ASIC2: variants seen among roughly 807,000 people sequenced by gnomAD.
The protein encoded by ASIC2 is acid-sensing ion channel 2.
In ASIC2, 25 loss-of-function variants were observed where a neutral mutation model predicts 57.3. The ratio of observed to expected loss-of-function variants is 0.44; its 90% CI spans 0.32 to 0.61. The LOEUF is 0.61. Ranked by LOEUF, ASIC2 falls within the 20% of genes least tolerant of loss-of-function variation. ASIC2 has a pLI of 0.06. For synonymous variants in ASIC2, 319 were observed against 307.5 expected (o/e 1.04, Z -0.39); for missense variants, 641 against 738.1 (o/e 0.87, Z 1.52).
chr17:33,977,365 C>T (rs1351904844), intron 1 of ASIC2, among the ~76,000 whole-genome samples: 3 of 152,296 alleles, frequency 2.0e-5, no homozygotes, highest in East Asian at 1.9e-4. Flanking sequence ...CTGCCTGCAT[C>T]GTGGCAGTGG....
At chr17:33,102,124 C>T (rs1269546119) in intron 2 of ASIC2, among the ~76,000 whole-genome samples, 1 of 152,168 alleles carries the variant, frequency 6.6e-6, no homozygotes, top group East Asian at 1.9e-4. Context: ...AGATCCTTGT[C>T]TCTGGAATCT....
At chr17:33,128,979 A>G (rs928444249) in intron 1 of ASIC2, among the ~76,000 whole-genome samples, 1 of 152,222 alleles carries the variant, frequency 6.6e-6, no homozygotes, top group Non-Finnish European at 1.5e-5. Flanking sequence ...TATTTATCCA[A>G]GTACTCTAGA....
intron 3 of ASIC2, among the ~76,000 whole-genome samples, chr17:33,056,791 G>A (rs938117870): frequency 6.6e-6 from 1 of 152,142 alleles, no homozygotes; most frequent in African/African-American, 2.4e-5. Flanking sequence ...TCATCAGAAG[G>A]AGCTGAGCAC....
chr17:33,799,415 C>CT (rs1409362347), intron 1 of ASIC2, among the ~76,000 whole-genome samples: 196 of 64,652 alleles, frequency 3.0e-3, no homozygotes, highest in African/African-American at 9.0e-3. Context: ...TTCTTTCTTT[C>CT]TTTCTTTCTT....
intron 1 of ASIC2, among the ~76,000 whole-genome samples, chr17:33,162,370 G>T (rs773550844): frequency 6.6e-6 from 1 of 152,140 alleles, no homozygotes; most frequent in Non-Finnish European, 1.5e-5. Flanking sequence ...CTCCTCGCAC[G>T]GAACATCTGC....
intron 1 of ASIC2, among the ~76,000 whole-genome samples, chr17:33,143,239 A>G (rs1463568927): frequency 6.6e-6 from 1 of 152,186 alleles, no homozygotes; most frequent in East Asian, 1.9e-4. Flanking sequence ...TAGATATCTC[A>G]GGTGGACCAC....
intron 3 of ASIC2, among the ~76,000 whole-genome samples, chr17:33,033,526 C>T (rs2091894879): frequency 6.6e-6 from 1 of 152,214 alleles, no homozygotes; most frequent in Admixed American, 6.5e-5. Flanking sequence ...TCTCTGCAGC[C>T]TGCACCCTCA....
intron 1 of ASIC2, among the ~76,000 whole-genome samples, chr17:33,164,493 C>A (rs757463589): frequency 6.6e-6 from 1 of 151,992 alleles, no homozygotes; most frequent in Admixed American, 6.6e-5. Flanking sequence ...TGGCTCAAAC[C>A]TCAGGCAGGA....
At chr17:33,850,050 G>A (rs1191828585) in intron 1 of ASIC2, among the ~76,000 whole-genome samples, 4 of 152,214 alleles carry the variant, frequency 2.6e-5, no homozygotes, top group African/African-American at 4.8e-5. Context: ...AACACATCCC[G>A]AAAGACATGG....
At chr17:33,112,154 C>T in intron 1 of ASIC2, 87 bp from the exon 2 acceptor site, 2 of 1,444,110 alleles carry the variant, frequency 1.4e-6, no homozygotes, top group Non-Finnish European at 1.9e-6. Context: ...AGAAATCTGA[C>T]AGCAGGTCAG....
At chr17:34,081,710 C>T (rs1392346045) in intron 1 of ASIC2, among the ~76,000 whole-genome samples, 1 of 152,178 alleles carries the variant, frequency 6.6e-6, no homozygotes, top group African/African-American at 2.4e-5. Flanking sequence ...CTAAATTTTA[C>T]CCTCTCTTCT....
chr17:33,563,099 G>A (rs1170047825), intron 1 of ASIC2, among the ~76,000 whole-genome samples: 7 of 152,126 alleles, frequency 4.6e-5, no homozygotes, highest in East Asian at 1.9e-4. Context: ...CCAGCCACCC[G>A]TCAAACTGGG....
chr17:33,149,735 C>G (rs1413470067), intron 1 of ASIC2, among the ~76,000 whole-genome samples: 1 of 152,122 alleles, frequency 6.6e-6, no homozygotes, highest in Non-Finnish European at 1.5e-5. Context: ...TATGGGACAT[C>G]ACTATTATTT....
At chr17:33,349,390 G>A (rs111794194) in intron 1 of ASIC2, among the ~76,000 whole-genome samples, 1 of 152,202 alleles carries the variant, frequency 6.6e-6, no homozygotes, top group Non-Finnish European at 1.5e-5. Context: ...GCACTGGACT[G>A]GGGTCAGTTA....
At chr17:33,626,147 C>A (rs1480568986) in intron 1 of ASIC2, among the ~76,000 whole-genome samples, 1 of 152,104 alleles carries the variant, frequency 6.6e-6, no homozygotes, top group African/African-American at 2.4e-5. Context: ...ATGGTCACTT[C>A]TAGGCCTTAA....
chr17:33,830,698 A>C (rs1254395762), intron 1 of ASIC2, among the ~76,000 whole-genome samples: 1 of 151,710 alleles, frequency 6.6e-6, no homozygotes, highest in Non-Finnish European at 1.5e-5. Context: ...ATTCATCCTA[A>C]TGCTCTCCCT....
intron 1 of ASIC2, among the ~76,000 whole-genome samples, chr17:34,030,687 A>G (rs541327674): frequency 1.3e-5 from 2 of 152,316 alleles, no homozygotes; most frequent in South Asian, 4.1e-4. Context: ...GGGCTTAAAC[A>G]ACGGCACACC....
chr17:33,215,024 C>T (rs1456229766), intron 1 of ASIC2, among the ~76,000 whole-genome samples: 1 of 152,204 alleles, frequency 6.6e-6, no homozygotes, highest in Non-Finnish European at 1.5e-5. Context: ...CTTCCCTATA[C>T]ATGAAGACGA....
chr17:33,384,139 G>A (rs1288882169), intron 1 of ASIC2, among the ~76,000 whole-genome samples: 1 of 152,194 alleles, frequency 6.6e-6, no homozygotes, highest in Non-Finnish European at 1.5e-5. Context: ...AGTGGTTCAT[G>A]TCCCTAGGAA....
Sources: gnomAD v4.1 joint callset for allele counts (sites outside exome capture counted in the v4.1 genomes callset) on GRCh38, gnomAD v4.1.1 for gene constraint, MANE v1.5 for transcripts, NCBI Gene and HGNC (gene_info 2026-07-23, HGNC 2026-07-21) for gene names.